Variants in MPPED2 observed in about 807,000 individuals in gnomAD.
MPPED2 encodes the protein metallophosphoesterase MPPED2.
In MPPED2, 5 loss-of-function variants were observed where a neutral mutation model predicts 33.0. That is an observed-to-expected ratio of 0.15 (90% confidence interval 0.08 to 0.32). MPPED2 has a LOEUF of 0.32. Ranked by LOEUF, MPPED2 falls within the 10% of genes least tolerant of loss-of-function variation. The probability of loss-of-function intolerance (pLI) is 1.00; values close to 1 mark genes in which losing one functional copy is unlikely to be tolerated. For synonymous variants in MPPED2, 136 were observed against 141.9 expected, an observed-to-expected ratio of 0.96 and a Z score of 0.29; for missense variants, 275 against 372.1, an observed-to-expected ratio of 0.74 and a Z score of 2.15.
chr11:30,511,353 A>G (rs1351508925), intron 3 of MPPED2, among the ~76,000 whole-genome samples: 3 of 152,192 alleles, frequency 2.0e-5, no homozygotes, highest in Non-Finnish European at 2.9e-5. Context: ...TGGGAGCAAC[A>G]GATAATAAAG....
chr11:30,555,290 A>G (rs1434772201), intron 2 of MPPED2, among the ~76,000 whole-genome samples: 4 of 152,180 alleles, frequency 2.6e-5, no homozygotes, highest in Non-Finnish European at 5.9e-5. Flanking sequence ...TGGCACCAGA[A>G]AGCAGTTTTA....
Position 30,411,269 on chromosome 11 carries a change from A to C in MPPED2, c.*199T>G, listed in dbSNP as rs554919985. The C allele has an allele frequency of 1.6e-6, 2 of 1,219,396 alleles. No homozygotes were observed. The highest frequency in any genetic ancestry group is 3.5e-5 in the South Asian group (1 of 28,570). 75.5% of individuals were successfully genotyped at this position (1,219,396 alleles called of 1,614,324 possible). On this transcript the variant is annotated 3_prime_UTR_variant, in exon 7 of 7. Transcript: ENST00000358117. Reference sequence around the variant, plus strand: ...AACAGAAGTCATTTTACAAATTCACAATGTTCCTCTGATTTCAAATGGATG... The same window carrying C: ...AACAGAAGTCATTTTACAAATTCACCATGTTCCTCTGATTTCAAATGGATG...
intron 3 of MPPED2, among the ~76,000 whole-genome samples, chr11:30,502,146 C>T (rs1952600006): frequency 6.6e-6 from 1 of 152,168 alleles, no homozygotes; most frequent in African/African-American, 2.4e-5. Flanking sequence ...CAGAGAGGTG[C>T]TGCCACTTAC....
intron 2 of MPPED2, among the ~76,000 whole-genome samples, chr11:30,551,840 TA>T (rs1399127001): frequency 2.0e-5 from 3 of 152,186 alleles, no homozygotes; most frequent in East Asian, 1.9e-4. Context: ...ACATCTGTGT[TA>T]GGGGTAAAAA....
At chr11:30,510,287 T>A (rs1953082814) in intron 3 of MPPED2, among the ~76,000 whole-genome samples, 1 of 152,204 alleles carries the variant, frequency 6.6e-6, no homozygotes, top group Admixed American at 6.5e-5. Flanking sequence ...ATAGAAATTA[T>A]CTTTCTGTGT....
chr11:30,508,482 T>G (rs926663344), intron 3 of MPPED2, among the ~76,000 whole-genome samples: 2 of 152,192 alleles, frequency 1.3e-5, no homozygotes, highest in African/African-American at 4.8e-5. Flanking sequence ...CCAAAATGCA[T>G]AGACCAAACC....
At chr11:30,477,178 TACTTCTTTGTCTCCAATCTTC>T (rs1396249870) in intron 4 of MPPED2, among the ~76,000 whole-genome samples, 1 of 152,104 alleles carries the variant, frequency 6.6e-6, no homozygotes, top group Non-Finnish European at 1.5e-5. Context: ...TGGACAATTT[TACTTCTTTGTCTCCAATCTTC>T]ACTCCTTTTA....
At chr11:30,412,583 A>G (rs1948158061) in intron 6 of MPPED2, among the ~76,000 whole-genome samples, 1 of 152,134 alleles carries the variant, frequency 6.6e-6, no homozygotes, top group Admixed American at 6.5e-5. Flanking sequence ...GAACTTAATG[A>G]GGGTCAATGG....
At chr11:30,474,583 G>C (rs1269202534) in intron 4 of MPPED2, among the ~76,000 whole-genome samples, 1 of 152,060 alleles carries the variant, frequency 6.6e-6, no homozygotes, top group Non-Finnish European at 1.5e-5. Flanking sequence ...TTGGTCCAAA[G>C]AAAAACATGC....
At chr11:30,433,262 A>G (rs534093667) in intron 4 of MPPED2, among the ~76,000 whole-genome samples, 1 of 152,344 alleles carries the variant, frequency 6.6e-6, no homozygotes, top group African/African-American at 2.4e-5. Flanking sequence ...TACCATAGTA[A>G]AGATTCTGAG....
chr11:30,441,147 T>C (rs1949553986), intron 4 of MPPED2: 1 of 152,124 alleles, frequency 6.6e-6, no homozygotes, highest in Admixed American at 6.5e-5. Flanking sequence ...ATCACATTTT[T>C]CCACATCTAG....
At chr11:30,538,384 G>A (rs1310791018) in intron 2 of MPPED2, among the ~76,000 whole-genome samples, 1 of 152,104 alleles carries the variant, frequency 6.6e-6, no homozygotes, top group African/African-American at 2.4e-5. Context: ...TAGCACAGAT[G>A]TAAACCTCTT....
Position 30,417,633 on chromosome 11 carries a change from C to G in MPPED2, c.537G>C (p.Trp179Cys). ...VKGFRIYGAP[W>C]TPWFNGWGFN... Reference sequence around the variant, plus strand: ...AGCCCCATCCATTAAACCACGGGGTCCTTTGGGGGAGATAATGCACATGGT... The same window carrying G: ...AGCCCCATCCATTAAACCACGGGGTGCTTTGGGGGAGATAATGCACATGGT... Residue 179 changes from tryptophan (W) to cysteine (C), a missense_variant and splice_region_variant, in exon 5 of 7, where the codon TGG becomes TGC. Transcript: ENST00000358117. 1 of 1,592,228 alleles carries G rather than the reference C, an allele frequency of 6.3e-7. No homozygotes were observed. Among genetic ancestry groups the G allele is most frequent in the Non-Finnish European group, 8.6e-7 (1 of 1,160,660 alleles).
At chr11:30,562,267 T>C (rs1956269486) in intron 2 of MPPED2, among the ~76,000 whole-genome samples, 1 of 152,170 alleles carries the variant, frequency 6.6e-6, no homozygotes, top group African/African-American at 2.4e-5. Flanking sequence ...ATGGCAGTGG[T>C]TTCTGGAGCC....
At chr11:30,546,796 A>G (rs1955448912) in intron 2 of MPPED2, among the ~76,000 whole-genome samples, 1 of 152,240 alleles carries the variant, frequency 6.6e-6, no homozygotes, top group Admixed American at 6.5e-5. Flanking sequence ...GTAAGACAAC[A>G]TGATGTCAAC....
chr11:30,509,657 C>G (rs1027865684), intron 3 of MPPED2, among the ~76,000 whole-genome samples: 2 of 152,146 alleles, frequency 1.3e-5, no homozygotes, highest in Non-Finnish European at 2.9e-5. Flanking sequence ...AGAATCCATG[C>G]TAATTTATGT....
intron 4 of MPPED2, among the ~76,000 whole-genome samples, chr11:30,453,643 A>G (rs1216948737): frequency 6.6e-6 from 1 of 152,210 alleles, no homozygotes; most frequent in Non-Finnish European, 1.5e-5. Context: ...GGAAAATTGA[A>G]TGCACAAGAA....
At chr11:30,421,076 C>T (rs907738150) in intron 4 of MPPED2, among the ~76,000 whole-genome samples, 1 of 152,164 alleles carries the variant, frequency 6.6e-6, no homozygotes, top group Non-Finnish European at 1.5e-5. Flanking sequence ...AGGATTTTAA[C>T]AAGTCTCAAG....
chr11:30,580,574 A>G, intron 1 of MPPED2, 80 bp from the exon 2 acceptor site: 2 of 1,319,796 alleles, frequency 1.5e-6, no homozygotes, highest in Non-Finnish European at 9.9e-7. Flanking sequence ...TAACATCTAG[A>G]CATGAAACTA....
Sources: allele counts gnomAD v4.1 joint callset (sites outside exome capture counted in the v4.1 genomes callset), GRCh38; gene constraint gnomAD v4.1.1; transcripts MANE v1.5; gene names NCBI Gene and HGNC (gene_info 2026-07-23, HGNC 2026-07-21).